Variants in SH3GL2 observed in about 807,000 individuals in gnomAD.
SH3GL2 encodes the protein SH3 domain containing GRB2 like 2, endophilin A1.
In SH3GL2, 24 loss-of-function variants were observed where a neutral mutation model predicts 46.0. The observed-to-expected ratio is 0.52, with a 90% confidence interval of 0.38 to 0.73. SH3GL2 has a LOEUF of 0.73. Ranked by LOEUF, SH3GL2 falls within the 30% of genes least tolerant of loss-of-function variation. The pLI is 0.00. For synonymous variants in SH3GL2, 196 were observed against 147.1 expected (o/e 1.33, Z -2.40); for missense variants, 413 against 424.2 (o/e 0.97, Z 0.23).
intron 1 of SH3GL2, among the ~76,000 whole-genome samples, chr9:17,676,561 G>A (rs144092331): frequency 0.01 from 1,558 of 152,284 alleles, 17 homozygotes; most frequent in Middle Eastern, 0.024. Context: ...AGCTGAGATT[G>A]CACCACTGCA....
At chr9:17,626,804 C>T (rs1819291892) in intron 1 of SH3GL2, among the ~76,000 whole-genome samples, 2 of 152,200 alleles carry the variant, frequency 1.3e-5, no homozygotes, top group South Asian at 4.1e-4. Flanking sequence ...CTTTGGAGAA[C>T]TGCCTTTACC....
At chr9:17,677,246 T>G (rs1420496259) in intron 1 of SH3GL2, among the ~76,000 whole-genome samples, 2 of 152,196 alleles carry the variant, frequency 1.3e-5, no homozygotes, top group Non-Finnish European at 2.9e-5. Context: ...TTTTCTCCTT[T>G]TTATTCATTC....
intron 3 of SH3GL2, among the ~76,000 whole-genome samples, chr9:17,773,524 A>C (rs1452827802): frequency 6.6e-6 from 1 of 152,034 alleles, no homozygotes; most frequent in Non-Finnish European, 1.5e-5. Flanking sequence ...ATTTTTTTGC[A>C]TATAGATCCA....
At chr9:17,679,847 G>A (rs1820721614) in intron 1 of SH3GL2, among the ~76,000 whole-genome samples, 1 of 152,132 alleles carries the variant, frequency 6.6e-6, no homozygotes, top group Non-Finnish European at 1.5e-5. Context: ...AAGGGCTGTT[G>A]AATTTTGTCA....
rs910735173 is a variant in SH3GL2 at position 17,609,551 on chromosome 9, A to G, written c.45+30264A>G. ...CTGTAGCCAGTGAGAAAGTGAGCCC[A>G]GTATGGCTGATCTCTAGAAGGGAAG... On this transcript the variant is annotated intron_variant, in intron 1 of 8. Transcript: ENST00000380607. Among the ~76,000 whole-genome samples the G allele has an allele frequency of 1.3e-5, 2 of 152,182 alleles. 1 individual carries two copies. Among genetic ancestry groups the G allele is most frequent in the Admixed American group, 1.3e-4 (2 of 15,282 alleles).
chr9:17,637,927 C>T (rs923386270), intron 1 of SH3GL2, among the ~76,000 whole-genome samples: 9 of 152,080 alleles, frequency 5.9e-5, no homozygotes, highest in East Asian at 3.9e-4. Flanking sequence ...GAGGCCGAGG[C>T]GGGCGGATCA....
intron 1 of SH3GL2, among the ~76,000 whole-genome samples, chr9:17,646,786 C>G (rs766206919): frequency 2.6e-5 from 4 of 152,180 alleles, no homozygotes; most frequent in Non-Finnish European, 5.9e-5. Context: ...CCAGCCAGAG[C>G]TCTCCTTTAT....
intron 1 of SH3GL2, among the ~76,000 whole-genome samples, chr9:17,684,263 A>G (rs1039007007): frequency 5.3e-5 from 8 of 152,116 alleles, no homozygotes; most frequent in African/African-American, 1.9e-4. Flanking sequence ...GAGTGAAATG[A>G]AAATGCTAGA....
chr9:17,680,333 C>A, intron 1 of SH3GL2, among the ~76,000 whole-genome samples: 1 of 152,120 alleles, frequency 6.6e-6, no homozygotes, highest in East Asian at 1.9e-4. Context: ...TTCAGGGATT[C>A]AACTTCTTCC....
At chr9:17,636,982 G>C (rs1819557638) in intron 1 of SH3GL2, among the ~76,000 whole-genome samples, 1 of 152,206 alleles carries the variant, frequency 6.6e-6, no homozygotes, top group African/African-American at 2.4e-5. Flanking sequence ...CAATTTGCTT[G>C]TAGTAGGTTA....
At position 17,614,295 on chromosome 9, in the gene SH3GL2, G is replaced by GGAAAAAAAAAAAAAAAAAA. The variant is rs762920242; in HGVS notation, c.45+35008_45+35009insGAAAAAAAAAAAAAAAAAA. On this transcript the variant is annotated intron_variant, in intron 1 of 8. Transcript: ENST00000380607. ...GTGACAGGGAACATGCATGGTTTCT[G>GGAAAAAAAAAAAAAAAAAA]AAAAAAAAAAAAAAAAAAAAAAAAA... Among the ~76,000 whole-genome samples the GGAAAAAAAAAAAAAAAAAA allele has an allele frequency of 5.1e-4, 36 of 70,300 alleles. 1 individual carries two copies. The highest frequency in any genetic ancestry group is 2.0e-3 in the African/African-American group (35 of 17,370). The allele number at this position is 70,300 out of a possible 152,430, so 46.1% of individuals were successfully genotyped here.
chr9:17,733,466 AAC>A (rs1822238314), intron 1 of SH3GL2, among the ~76,000 whole-genome samples: 1 of 151,664 alleles, frequency 6.6e-6, no homozygotes, highest in Non-Finnish European at 1.5e-5. Context: ...AAAGTCAGGA[AAC>A]AACAGGTGCT....
At chr9:17,792,546 A>G (rs949709608) in intron 7 of SH3GL2, among the ~76,000 whole-genome samples, 7 of 152,090 alleles carry the variant, frequency 4.6e-5, no homozygotes, top group African/African-American at 1.7e-4. Context: ...TACCTTTCCA[A>G]TTTCCTTTTG....
At chr9:17,599,482 T>C (rs780119255) in intron 1 of SH3GL2, among the ~76,000 whole-genome samples, 1 of 152,246 alleles carries the variant, frequency 6.6e-6, no homozygotes, top group Non-Finnish European at 1.5e-5. Context: ...TGTGTCAATA[T>C]GCAGATTCCC....
At chr9:17,680,404 A>G (rs1259707407) in intron 1 of SH3GL2, among the ~76,000 whole-genome samples, 1 of 152,082 alleles carries the variant, frequency 6.6e-6, no homozygotes, top group South Asian at 2.1e-4. Context: ...TAGATTTTCT[A>G]GTTTATTTGT....
intron 3 of SH3GL2, among the ~76,000 whole-genome samples, chr9:17,776,730 G>A (rs1410197235): frequency 6.7e-6 from 1 of 149,470 alleles, no homozygotes; most frequent in Non-Finnish European, 1.5e-5. Flanking sequence ...GATGAGAATT[G>A]AAGTGCAATA....
chr9:17,721,808 C>G (rs1304357341), intron 1 of SH3GL2, among the ~76,000 whole-genome samples: 1 of 152,024 alleles, frequency 6.6e-6, no homozygotes, highest in Non-Finnish European at 1.5e-5. Context: ...TGAGCCAATT[C>G]CCCTAATAAA....
chr9:17,610,554 A>G (rs1490705739), intron 1 of SH3GL2, among the ~76,000 whole-genome samples: 1 of 152,196 alleles, frequency 6.6e-6, no homozygotes, highest in Non-Finnish European at 1.5e-5. Flanking sequence ...CTGCAATGGG[A>G]ACTTTGTAAT....
intron 2 of SH3GL2, among the ~76,000 whole-genome samples, chr9:17,753,532 T>C (rs187394331): frequency 5.3e-5 from 8 of 152,348 alleles, no homozygotes; most frequent in Non-Finnish European, 8.8e-5. Context: ...TTGCTTTTTT[T>C]CTTGTAAATT....
Sources: allele counts gnomAD v4.1 joint callset (sites outside exome capture counted in the v4.1 genomes callset), GRCh38; gene constraint gnomAD v4.1.1; transcripts MANE v1.5; gene names NCBI Gene and HGNC (gene_info 2026-07-23, HGNC 2026-07-21).